The following ACYP2 variants were observed in gnomAD, a reference collection of about 807,000 sequenced individuals.
ACYP2 encodes acylphosphatase-2.
Under a neutral mutation model 11.2 loss-of-function variants are expected in ACYP2, and 12 were observed. That is an observed-to-expected ratio of 1.08 (90% CI 0.69 to 1.74). The LOEUF (loss-of-function observed/expected upper bound fraction) is 1.74, where lower values mean the gene tolerates loss of function less well. Ranked by LOEUF, ACYP2 falls within the 40% of genes most tolerant of loss-of-function variation. The pLI, the probability that ACYP2 is intolerant of heterozygous loss-of-function variation, is 0.00. For missense variants in ACYP2, 134 were observed against 101.9 expected, an observed-to-expected ratio of 1.31 and a Z score of -1.35; for synonymous variants, 43 against 32.2, an observed-to-expected ratio of 1.33 and a Z score of -1.13.
intron 2 of ACYP2, among the ~76,000 whole-genome samples, chr2:53,977,046 A>G (rs1197907402): frequency 1.3e-5 from 2 of 151,844 alleles, no homozygotes; most frequent in African/African-American, 2.4e-5. Flanking sequence ...TAATATCCAT[A>G]TTTCTTTTCT....
chr2:54,192,845 G>A (rs1558601439), intron 6 of ACYP2, among the ~76,000 whole-genome samples: 1 of 152,020 alleles, frequency 6.6e-6, no homozygotes. Context: ...TACCAGCAGG[G>A]GAAATGCCAG....
At chr2:54,088,767 G>A (rs964945698) in intron 4 of ACYP2, among the ~76,000 whole-genome samples, 1 of 152,202 alleles carries the variant, frequency 6.6e-6, no homozygotes, top group South Asian at 2.1e-4. Flanking sequence ...GAAAAGTTAT[G>A]GAGTCTGCCA....
At chr2:54,097,205 G>A (rs564019318) in intron 4 of ACYP2, among the ~76,000 whole-genome samples, 1 of 152,238 alleles carries the variant, frequency 6.6e-6, no homozygotes, top group African/African-American at 2.4e-5. Context: ...CCCACTCCTG[G>A]TCCTTCTTAA....
At chr2:54,001,227 A>C (rs375079015) in intron 2 of ACYP2, among the ~76,000 whole-genome samples, 6 of 152,044 alleles carry the variant, frequency 3.9e-5, no homozygotes, top group Admixed American at 6.6e-5. Context: ...ATGGTGGCAC[A>C]CACTACCATA....
At chr2:54,274,446 G>C (rs1022680613) in intron 6 of ACYP2, among the ~76,000 whole-genome samples, 1 of 151,810 alleles carries the variant, frequency 6.6e-6, no homozygotes, top group African/African-American at 2.4e-5. Context: ...TTTAAGACCA[G>C]CCTGGGCAAC....
intron 4 of ACYP2, among the ~76,000 whole-genome samples, chr2:54,131,328 A>G (rs1680885627): frequency 6.6e-6 from 1 of 152,192 alleles, no homozygotes; most frequent in African/African-American, 2.4e-5. Context: ...CCCCATCACC[A>G]TAGGCTAATG....
chr2:54,211,475 T>G (rs1337721097), intron 6 of ACYP2, among the ~76,000 whole-genome samples: 1 of 152,234 alleles, frequency 6.6e-6, no homozygotes, highest in African/African-American at 2.4e-5. Context: ...GCTCTGCTAA[T>G]CCCATCTACT....
chr2:54,037,524 C>A (rs946570222), intron 2 of ACYP2, among the ~76,000 whole-genome samples: 24 of 152,244 alleles, frequency 1.6e-4, no homozygotes, highest in African/African-American at 5.8e-4. Context: ...AATCCAACCA[C>A]CTCTGCCTCC....
At position 54,089,731 on chromosome 2, in the gene ACYP2, C is replaced by T. The variant is rs192585274; in HGVS notation, c.277+32371C>T. 6.6e-5 allele frequency among the ~76,000 whole-genome samples: 10 copies of T among 152,146 alleles called. 1 individual carries two copies. The highest frequency in any genetic ancestry group is 5.8e-4 in the East Asian group (3 of 5,170). On this transcript the variant is annotated intron_variant, in intron 4 of 6. Transcript: ENST00000607452. ...CTCCAGCCTGGGCAACAGAGTGAGA[C>T]GCGGTCCCAAAACCAAACAGCAATT...
intron 6 of ACYP2, among the ~76,000 whole-genome samples, chr2:54,271,487 C>A (rs1422664953): frequency 6.6e-6 from 1 of 152,146 alleles, no homozygotes; most frequent in African/African-American, 2.4e-5. Context: ...TGTGGCCCCC[C>A]ACCCAAAGGA....
Position 54,268,646 on chromosome 2 carries a change from A to G in ACYP2, c.405-36042A>G, listed in dbSNP as rs111444492. Among the ~76,000 whole-genome samples, 310 of 151,312 alleles carry G rather than the reference A, an allele frequency of 2.0e-3. 1 individual carries two copies. The highest frequency in any genetic ancestry group is 7.2e-3 in the African/African-American group (297 of 41,284). On this transcript the variant is annotated intron_variant, in intron 6 of 6. Transcript: ENST00000607452. ...GTGAGACCCAGTCTCTACCAAAAAA[A>G]AAAAAAAAAAAAAATTAGCTGGGAA...
chr2:54,089,202 G>A (rs921021392), intron 4 of ACYP2, among the ~76,000 whole-genome samples: 8 of 152,128 alleles, frequency 5.3e-5, no homozygotes, highest in African/African-American at 1.9e-4. Context: ...AATTATTAGA[G>A]TTCAGAGCTG....
chr2:54,124,463 T>C (rs990519664), intron 4 of ACYP2, among the ~76,000 whole-genome samples: 3 of 152,234 alleles, frequency 2.0e-5, no homozygotes, highest in African/African-American at 7.2e-5. Flanking sequence ...CCCAAAGTGC[T>C]GGGATTACAG....
intron 4 of ACYP2, among the ~76,000 whole-genome samples, chr2:54,066,791 G>C (rs1676775449): frequency 6.6e-6 from 1 of 152,158 alleles, no homozygotes. Flanking sequence ...AAGCCATCAG[G>C]ATCTCTGACC....
chr2:54,300,389 A>T (rs995096608), intron 6 of ACYP2, among the ~76,000 whole-genome samples: 4 of 152,226 alleles, frequency 2.6e-5, no homozygotes, highest in Admixed American at 2.0e-4. Context: ...AGCCTTCTTC[A>T]GGAATTGCCT....
intron 6 of ACYP2, among the ~76,000 whole-genome samples, chr2:54,297,212 G>C (rs754534453): frequency 2.6e-4 from 38 of 147,990 alleles, no homozygotes; most frequent in Non-Finnish European, 4.9e-4. Context: ...GAAATTATCT[G>C]GCCGAGTGCA....
rs1415159215 is a variant in ACYP2, at chr2:54,086,616, T to C, written c.277+29256T>C. Among the ~76,000 whole-genome samples, 3 of 152,242 alleles carry C rather than the reference T, an allele frequency of 2.0e-5. No individual in the cohort carries two copies. In the East Asian group the frequency reaches 5.8e-4, roughly 29 times the overall value. ...TGTTTCCCTCATTTCAAAGAGCAAC[T>C]TATTACATCAAGGAGCTGGAACTAG... On this transcript the variant is annotated intron_variant, in intron 4 of 6. Transcript: ENST00000607452.
At chr2:54,281,142 C>G (rs1688832451) in intron 6 of ACYP2, among the ~76,000 whole-genome samples, 1 of 152,186 alleles carries the variant, frequency 6.6e-6, no homozygotes, top group Admixed American at 6.5e-5. Context: ...CCAGATTATT[C>G]TATATATTAT....
chr2:54,289,673 G>A (rs890222354), intron 6 of ACYP2, among the ~76,000 whole-genome samples: 1 of 151,824 alleles, frequency 6.6e-6, no homozygotes, highest in Admixed American at 6.6e-5. Context: ...ACCATTTACA[G>A]GCAGCCACCT....
Sources: allele counts gnomAD v4.1 joint callset (sites outside exome capture counted in the v4.1 genomes callset), GRCh38; gene constraint gnomAD v4.1.1; transcripts MANE v1.5; gene names NCBI Gene and HGNC (gene_info 2026-07-23, HGNC 2026-07-21).